KCNG2: variants seen among roughly 807,000 people sequenced by gnomAD.
KCNG2 encodes voltage-gated potassium channel regulatory subunit KCNG2.
A neutral mutation model predicts 12.3 loss-of-function variants in KCNG2; 7 were observed. That is an observed-to-expected ratio of 0.57 (90% CI 0.32 to 1.07). KCNG2 has a LOEUF of 1.07. Ranked by LOEUF, KCNG2 falls within the 50% of genes least tolerant of loss-of-function variation. The probability of loss-of-function intolerance (pLI) is 0.04; values close to 1 mark genes in which losing one functional copy is unlikely to be tolerated. For missense variants in KCNG2, 703 were observed against 726.0 expected (o/e 0.97, Z 0.36); for synonymous variants, 414 against 351.4 (o/e 1.18, Z -1.99).
intron 1 of KCNG2, among the ~76,000 whole-genome samples, chr18:79,814,910 CTT>C (rs11392136): frequency 5.6e-5 from 8 of 142,820 alleles, no homozygotes; most frequent in Admixed American, 7.0e-5. Flanking sequence ...ACCCTGTGTG[CTT>C]TTTTTTTTTT....
In KCNG2 at chr18:79,822,535, G is replaced by A. The variant is rs1043513961; in HGVS notation, c.-115+24521G>A. Among the ~76,000 whole-genome samples the A allele has an allele frequency of 2.0e-5, 3 of 152,172 alleles. No individual in the cohort carries two copies. The highest frequency in any genetic ancestry group is 1.3e-4 in the Admixed American group (2 of 15,278). ...GCTCCCTGCAGCCTCAGCCTCCAGG[G>A]CTCAAGCATCCTCCCACGTCAGCCT... On this transcript the variant is annotated intron_variant, in intron 1 of 3. Transcript: ENST00000316249. The surrounding 1 kb of genome is among the most constrained non-coding windows in gnomAD (Gnocchi z 4.4).
intron 2 of KCNG2, among the ~76,000 whole-genome samples, chr18:79,863,167 C>T (rs1213311804): frequency 1.3e-5 from 2 of 152,232 alleles, no homozygotes; most frequent in Non-Finnish European, 2.9e-5. Flanking sequence ...CCAGGAATGC[C>T]GTTTTCCAGC....
intron 3 of KCNG2, among the ~76,000 whole-genome samples, chr18:79,878,277 C>T (rs1412131552): frequency 1.6e-5 from 2 of 126,038 alleles, no homozygotes; most frequent in Admixed American, 7.9e-5. Context: ...CTGATGCCCA[C>T]GTGGCAGTGT....
At chr18:79,835,193 T>TC (rs542498855) in intron 1 of KCNG2, among the ~76,000 whole-genome samples, 72 of 151,840 alleles carry the variant, frequency 4.7e-4, no homozygotes, top group African/African-American at 1.5e-3. Context: ...GTTGTCTCTC[T>TC]CCCCCCTGCC....
intron 2 of KCNG2, among the ~76,000 whole-genome samples, chr18:79,859,426 C>T (rs1435404491): frequency 6.6e-6 from 1 of 152,160 alleles, no homozygotes; most frequent in East Asian, 1.9e-4. Flanking sequence ...CAGAAGATGG[C>T]GTGGAGCTGG....
chr18:79,866,429 G>C (rs1313171803), intron 3 of KCNG2, among the ~76,000 whole-genome samples: 23 of 123,064 alleles, frequency 1.9e-4, no homozygotes, highest in Non-Finnish European at 2.5e-4. Flanking sequence ...AGAGGTCTGG[G>C]TGCTGAGAGG....
chr18:79,863,114 C>G (rs1417604057), intron 2 of KCNG2, among the ~76,000 whole-genome samples: 1 of 152,216 alleles, frequency 6.6e-6, no homozygotes, highest in African/African-American at 2.4e-5. Flanking sequence ...TTTTGGAGCT[C>G]CTTATTCTGC....
rs937367569 is a variant in KCNG2 at position 79,830,786 on chromosome 18, G to A, written c.-114-25593G>A. 1.3e-3 allele frequency among the ~76,000 whole-genome samples: 181 copies of A among 140,104 alleles called. 1 individual carries two copies. The highest frequency in any genetic ancestry group is 4.3e-3 in the African/African-American group (158 of 37,088). 91.9% of individuals were successfully genotyped at this position (140,104 alleles called of 152,430 possible). A position where few individuals can be genotyped will look rare whatever the true frequency, so the allele number is the denominator to read the frequency against. On this transcript the variant is annotated intron_variant, in intron 1 of 3. Coordinates refer to ENST00000316249, the MANE Select transcript of KCNG2 (RefSeq NM_012283.2). ...AGCCTTCGTCAGGAGGGTTCCCTGC[G>A]GACAGAGCCTTCGTCAGGAGGGTTC...
intron 3 of KCNG2, among the ~76,000 whole-genome samples, chr18:79,864,690 C>G (rs564002197): frequency 6.6e-6 from 1 of 152,322 alleles, no homozygotes; most frequent in South Asian, 2.1e-4. Flanking sequence ...ACCAAGGAGA[C>G]CCAACCGCAT....
At chr18:79,843,165 C>T (rs1978515525) in intron 1 of KCNG2, among the ~76,000 whole-genome samples, 2 of 152,084 alleles carry the variant, frequency 1.3e-5, no homozygotes, top group African/African-American at 2.4e-5. Context: ...TATTTCTCAA[C>T]AGAAACCTTG....
intron 1 of KCNG2, among the ~76,000 whole-genome samples, chr18:79,851,549 G>A (rs1476344411): frequency 6.6e-6 from 1 of 152,158 alleles, no homozygotes; most frequent in Non-Finnish European, 1.5e-5. Flanking sequence ...TACTACCCTT[G>A]ATCTCAAGGA....
At chr18:79,826,086 C>A (rs1265860673) in intron 1 of KCNG2, among the ~76,000 whole-genome samples, 1 of 152,250 alleles carries the variant, frequency 6.6e-6, no homozygotes, top group Admixed American at 6.5e-5. Flanking sequence ...GCCGCCCTGA[C>A]CTTGGAGGAA....
intron 3 of KCNG2, among the ~76,000 whole-genome samples, chr18:79,880,625 C>T (rs1279908506): frequency 6.6e-6 from 1 of 152,108 alleles, no homozygotes; most frequent in Non-Finnish European, 1.5e-5. Context: ...TCCTCTGATA[C>T]CAAACCAGAG....
chr18:79,800,609 T>C lies in KCNG2; in HGVS notation c.-115+2595T>C, dbSNP rs2087401455. ...CCGTGTGGGAGGCACTCAGGGTCCT[T>C]GCTGGTGTCGGAGAAACAGCACTGG... On this transcript the variant is annotated intron_variant, in intron 1 of 3. Transcript: ENST00000316249. The surrounding 1 kb of genome is among the most constrained non-coding windows in gnomAD (Gnocchi z 4.0). Among the ~76,000 whole-genome samples the C allele has an allele frequency of 6.6e-6, 1 of 152,232 alleles. No homozygotes were observed. The highest frequency in any genetic ancestry group is 2.1e-4 in the South Asian group (1 of 4,836).
At chr18:79,879,419 ACAT>A (rs1332504728) in intron 3 of KCNG2, among the ~76,000 whole-genome samples, 1 of 152,206 alleles carries the variant, frequency 6.6e-6, no homozygotes, top group Admixed American at 6.5e-5. Flanking sequence ...AACACAGGAA[ACAT>A]CAGGAGTTAT....
chr18:79,861,920 C>A (rs1006080471), intron 2 of KCNG2, among the ~76,000 whole-genome samples: 1 of 152,216 alleles, frequency 6.6e-6, no homozygotes, highest in African/African-American at 2.4e-5. Context: ...GCTGCTGAGA[C>A]CCTCTAATGA....
chr18:79,825,482 C>T, intron 1 of KCNG2, among the ~76,000 whole-genome samples: 1 of 152,192 alleles, frequency 6.6e-6, no homozygotes. Flanking sequence ...TCCTTTTCTG[C>T]TGTTTGCTGA....
At position 79,884,528 on chromosome 18, in the gene KCNG2, G is replaced by T. The variant is rs1326958794; in HGVS notation, c.625-14512G>T. 6.6e-6 allele frequency among the ~76,000 whole-genome samples: 1 copy of T among 150,994 alleles called. No homozygotes were observed. The highest frequency in any genetic ancestry group is 2.0e-4 in the East Asian group (1 of 4,942). Reference sequence around the variant, plus strand: ...AGCCAGGCTGTGATGTCCCGATGCAGTGGAGGAGCAGGGCTGGGTCTGGGC... The same window carrying T: ...AGCCAGGCTGTGATGTCCCGATGCATTGGAGGAGCAGGGCTGGGTCTGGGC... On this transcript the variant is annotated intron_variant, in intron 3 of 3. Transcript: ENST00000316249. The surrounding 1 kb of genome is among the most constrained non-coding windows in gnomAD (Gnocchi z 5.5).
intron 1 of KCNG2, among the ~76,000 whole-genome samples, chr18:79,844,133 T>C (rs529231032): frequency 1.6e-4 from 24 of 152,296 alleles, no homozygotes; most frequent in East Asian, 1.2e-3. Flanking sequence ...TGTAGCATCA[T>C]TCACAATAGC....
Sources: gnomAD v4.1 joint callset for allele counts (sites outside exome capture counted in the v4.1 genomes callset) on GRCh38, gnomAD v4.1.1 for gene constraint, Gnocchi (gnomAD v3.1) non-coding constraint, MANE v1.5 for transcripts, NCBI Gene and HGNC (gene_info 2026-07-23, HGNC 2026-07-21) for gene names.